NLGN4X: variants seen among roughly 807,000 people sequenced by gnomAD.
The protein encoded by NLGN4X is neuroligin 4 X-linked, also known as neuroligin-4, X-linked.
In NLGN4X, 3 loss-of-function variants were observed where a neutral mutation model predicts 40.3. That is an observed-to-expected ratio of 0.07 (90% CI 0.03 to 0.19). The LOEUF (loss-of-function observed/expected upper bound fraction) is 0.19, where lower values mean the gene tolerates loss of function less well. NLGN4X is among the 10% of genes least tolerant of loss of function. NLGN4X has a pLI of 1.00. For synonymous variants in NLGN4X, 270 were observed against 306.8 expected (o/e 0.88, Z 1.25); for missense variants, 382 against 708.3 (o/e 0.54, Z 5.23).
At chrX:5,942,505 A>G (rs927315577) in intron 3 of NLGN4X, among the ~76,000 whole-genome samples, 1 of 110,566 alleles carries the variant, frequency 9.0e-6, no homozygotes, top group Admixed American at 9.6e-5. Flanking sequence ...AACATGGCGA[A>G]ACCTCGTCTC....
intron 2 of NLGN4X, among the ~76,000 whole-genome samples, chrX:6,090,677 A>G (rs1475876654): frequency 8.9e-6 from 1 of 112,242 alleles, no homozygotes; most frequent in Non-Finnish European, 1.9e-5. Context: ...AAACATATAT[A>G]TATAAAGCAG....
chrX:6,089,042 TA>T (rs1264616130), intron 2 of NLGN4X, among the ~76,000 whole-genome samples: 5 of 112,399 alleles, frequency 4.4e-5, no homozygotes, highest in African/African-American at 9.7e-5. Flanking sequence ...GGCAAATTAC[TA>T]AAAACAATTC....
At chrX:6,142,027 G>T (rs1404023615) in intron 2 of NLGN4X, among the ~76,000 whole-genome samples, 1 of 110,684 alleles carries the variant, frequency 9.0e-6, no homozygotes, top group Non-Finnish European at 1.9e-5. Flanking sequence ...TGTACCTAAA[G>T]TTTCTATCTC....
chrX:5,898,223 T>TC (rs1403359206), intron 5 of NLGN4X, among the ~76,000 whole-genome samples: 1 of 71,672 alleles, frequency 1.4e-5, no homozygotes, highest in Non-Finnish European at 2.6e-5. Flanking sequence ...CTTCCTCTCC[T>TC]CCCCCCTTAC....
At chrX:6,120,345 G>A (rs1412855096) in intron 2 of NLGN4X, among the ~76,000 whole-genome samples, 2 of 111,727 alleles carry the variant, frequency 1.8e-5, no homozygotes, top group Admixed American at 1.9e-4. Flanking sequence ...CACTTATTTG[G>A]AACTAAAGAA....
chrX:6,047,899 T>C (rs2031885341), intron 2 of NLGN4X, among the ~76,000 whole-genome samples: 1 of 111,644 alleles, frequency 9.0e-6, no homozygotes, highest in Non-Finnish European at 1.9e-5. Flanking sequence ...TGTAGGCCTC[T>C]TGGGTGGCTC....
chrX:6,134,068 A>T lies in NLGN4X; in HGVS notation c.472+16927T>A, dbSNP rs114086382. ...CTGTCCACCCTTGCTTCCCATCTCT[A>T]AAAGGAGGTCAGACCCCCTTTTAGC... On this transcript the variant is annotated intron_variant, in intron 2 of 5. Transcript: ENST00000381095. 2.1e-3 allele frequency among the ~76,000 whole-genome samples: 233 copies of T among 110,951 alleles called. 2 individuals carry two copies. Among genetic ancestry groups the T allele is most frequent in the African/African-American group, 7.0e-3 (214 of 30,548 alleles).
At chrX:6,033,203 T>G (rs1484628049) in intron 2 of NLGN4X, among the ~76,000 whole-genome samples, 1 of 97,804 alleles carries the variant, frequency 1.0e-5, no homozygotes, top group Non-Finnish European at 2.1e-5. Context: ...TACTGACACA[T>G]TATGGTTAGA....
chrX:5,978,268 CTTTT>C lies in NLGN4X; in HGVS notation c.625+51008_625+51011del, dbSNP rs374895369. Reference sequence around the variant, plus strand: ...ACTGGAATTAAAAAGACAGGCGTCTCTTTTTTTCTTTCTTTCTTTCTTTCTTTCT... The same window carrying C: ...ACTGGAATTAAAAAGACAGGCGTCTCTTTCTTTCTTTCTTTCTTTCTTTCT... On this transcript the variant is annotated intron_variant, in intron 3 of 5. Transcript: ENST00000381095. 1.1e-3 allele frequency among the ~76,000 whole-genome samples: 101 copies of C among 94,117 alleles called. 2 individuals carry two copies. Among genetic ancestry groups the C allele is most frequent in the Middle Eastern group, 5.2e-3 (1 of 194 alleles). The allele number at this position is 94,117 out of a possible 115,157, so 81.7% of individuals were successfully genotyped here.
At chrX:6,187,574 C>A (rs779757512) in intron 1 of NLGN4X, 1 of 112,415 alleles carries the variant, frequency 8.9e-6, no homozygotes, top group Non-Finnish European at 1.9e-5. Context: ...AGGTCCCAGG[C>A]GAAGTCTCCA....
chrX:5,984,009 T>G (rs988222048), intron 3 of NLGN4X, among the ~76,000 whole-genome samples: 2 of 111,090 alleles, frequency 1.8e-5, no homozygotes, highest in Non-Finnish European at 1.9e-5. Context: ...AATATGAGAA[T>G]ATCTAATATA....
At chrX:6,031,845 T>C (rs1354867577) in intron 2 of NLGN4X, among the ~76,000 whole-genome samples, 1 of 110,164 alleles carries the variant, frequency 9.1e-6, no homozygotes, top group African/African-American at 3.3e-5. Flanking sequence ...ATGCGAGTTG[T>C]CTGCATGAGT....
At chrX:6,218,679 CCAA>C (rs1236190919) in intron 1 of NLGN4X, among the ~76,000 whole-genome samples, 1 of 111,970 alleles carries the variant, frequency 8.9e-6, no homozygotes, top group African/African-American at 3.2e-5. Flanking sequence ...AAGAAAAAAA[CCAA>C]CAAGTTCATA....
intron 3 of NLGN4X, chrX:5,991,582 C>T (rs755108128): frequency 7.3e-5 from 35 of 481,517 alleles, no homozygotes; most frequent in Admixed American, 6.4e-4. Flanking sequence ...AGAAAATCCA[C>T]GAGGAAATAA....
At chrX:6,141,643 A>G (rs1177656918) in intron 2 of NLGN4X, among the ~76,000 whole-genome samples, 1 of 109,903 alleles carries the variant, frequency 9.1e-6, no homozygotes, top group Non-Finnish European at 1.9e-5. Flanking sequence ...ACATGGTGAA[A>G]CCCTATCTCT....
At chrX:6,207,823 A>G (rs1924164184) in intron 1 of NLGN4X, among the ~76,000 whole-genome samples, 1 of 112,005 alleles carries the variant, frequency 8.9e-6, no homozygotes, top group African/African-American at 3.2e-5. Context: ...TTTATTATCA[A>G]AATTAAAAAC....
At chrX:5,980,722 A>G (rs2035361548) in intron 3 of NLGN4X, among the ~76,000 whole-genome samples, 1 of 109,928 alleles carries the variant, frequency 9.1e-6, no homozygotes, top group Non-Finnish European at 1.9e-5. Flanking sequence ...GTACAGTTCT[A>G]TGTGGTGTCT....
intron 2 of NLGN4X, among the ~76,000 whole-genome samples, chrX:6,038,568 C>T (rs370851476): frequency 3.5e-5 from 4 of 112,934 alleles, no homozygotes; most frequent in African/African-American, 1.3e-4. Flanking sequence ...TGGTTAGCAA[C>T]AGAAAAGTTC....
At position 5,902,933 on chromosome X, in the gene NLGN4X, T is replaced by A. The variant is rs955274841; in HGVS notation, c.1601+144A>T. ...CCTGTTACTGCTGTGTGTGTAAGCG[T>A]GTGTCTGTGTGTATGTGTGTGCATG... is the stretch of plus-strand genomic sequence containing the variant. On this transcript the variant is annotated intron_variant, in intron 5 of 5. Coordinates refer to ENST00000381095, the MANE Select transcript of NLGN4X (RefSeq NM_181332.3). The A allele has an allele frequency of 5.2e-5, 34 of 656,293 alleles. No individual in the cohort carries two copies. In the Admixed American group the frequency reaches 8.5e-4, roughly 16 times the overall value. The allele number at this position is 656,293 out of a possible 1,213,427, so 54.1% of individuals were successfully genotyped here. A position where few individuals can be genotyped will look rare whatever the true frequency, so the allele number is the denominator to read the frequency against.
Sources: allele counts gnomAD v4.1 joint callset (sites outside exome capture counted in the v4.1 genomes callset), GRCh38; gene constraint gnomAD v4.1.1; transcripts MANE v1.5; gene names NCBI Gene and HGNC (gene_info 2026-07-23, HGNC 2026-07-21).